Variants in RASAL2 observed in about 807,000 individuals in gnomAD.
RASAL2 encodes ras GTPase-activating protein nGAP.
RASAL2 carries 58 observed loss-of-function variants against 128.9 expected under a neutral mutation model. The ratio of observed to expected loss-of-function variants is 0.45; its 90% CI spans 0.36 to 0.56. RASAL2 has a LOEUF of 0.56. Among genes scored for constraint, RASAL2 ranks in the 20% least tolerant of loss-of-function variants. The pLI, the probability that RASAL2 is intolerant of heterozygous loss-of-function variation, is 0.00. For synonymous variants in RASAL2, 561 were observed against 580.8 expected, an observed-to-expected ratio of 0.97 and a Z score of 0.49; for missense variants, 1,360 against 1,601.6, an observed-to-expected ratio of 0.85 and a Z score of 2.57.
intron 1 of RASAL2, among the ~76,000 whole-genome samples, chr1:178,201,959 T>C (rs1024003803): frequency 1.3e-5 from 2 of 152,138 alleles, no homozygotes; most frequent in African/African-American, 4.8e-5. Flanking sequence ...ACCGACAATT[T>C]ATGTGTAAAT....
At chr1:178,277,719 C>A (rs1666592913) in intron 1 of RASAL2, among the ~76,000 whole-genome samples, 1 of 152,192 alleles carries the variant, frequency 6.6e-6, no homozygotes, top group Non-Finnish European at 1.5e-5. Context: ...GAATATGTTT[C>A]TCTTTTAGTG....
At chr1:178,408,612 G>GTTT (rs756656921) in intron 4 of RASAL2, among the ~76,000 whole-genome samples, 46 of 142,496 alleles carry the variant, frequency 3.2e-4, no homozygotes, top group Middle Eastern at 3.6e-3. Context: ...GTTTTTTTTT[G>GTTT]TTTTTTGTTT....
chr1:178,424,708 C>T (rs1238242337), intron 5 of RASAL2, among the ~76,000 whole-genome samples: 2 of 152,082 alleles, frequency 1.3e-5, no homozygotes, highest in African/African-American at 4.8e-5. Context: ...GTGATTTGCC[C>T]ACCCTGGCCT....
At chr1:178,238,550 A>G (rs1478751649) in intron 1 of RASAL2, among the ~76,000 whole-genome samples, 2 of 151,816 alleles carry the variant, frequency 1.3e-5, no homozygotes, top group Non-Finnish European at 2.9e-5. Flanking sequence ...CTACTTTATT[A>G]TTGTTTTATA....
chr1:178,224,630 T>C lies in RASAL2; in HGVS notation c.203-58934T>C, dbSNP rs959414418. On this transcript the variant is annotated intron_variant, in intron 1 of 17. Transcript: ENST00000367649. Reference sequence around the variant, plus strand: ...TTTTTATGAGTTGATCTAAGAGCTATGTAGTCACTTGTTCTAGTAACAGAA... The same window carrying C: ...TTTTTATGAGTTGATCTAAGAGCTACGTAGTCACTTGTTCTAGTAACAGAA... Among the ~76,000 whole-genome samples the C allele has an allele frequency of 4.6e-5, 7 of 152,322 alleles. No individual in the cohort carries two copies. The South Asian group carries it at 1.4e-3, about 32-fold the overall frequency.
intron 1 of RASAL2, among the ~76,000 whole-genome samples, chr1:178,254,486 G>A (rs1470007846): frequency 1.3e-5 from 2 of 152,096 alleles, no homozygotes; most frequent in Non-Finnish European, 2.9e-5. Flanking sequence ...AAAGCCTTTG[G>A]AAATGGTCAT....
chr1:178,458,114 T>C lies in RASAL2; in HGVS notation c.2822T>C (p.Ile941Thr). Residue 941 changes from isoleucine (I) to threonine (T), a missense_variant, in exon 14 of 18, where the codon ATA (isoleucine) becomes ACA (threonine). This residue lies in a region of RASAL2 where 741 missense variants were observed against 868.6 expected (regional missense o/e 0.85). Coordinates refer to ENST00000367649, the MANE Select transcript of RASAL2 (RefSeq NM_170692.4). The part of the protein sequence containing the change: ...NPIPAMPKAS[I>T]DSSLENLSTA... ...ATTCCAGCAATGCCAAAGGCCTCTA[T>C]AGATTCCAGTTTGGAGAACCTAAGC... 3.1e-6 allele frequency: 5 copies of C among 1,614,248 alleles called. No individual in the cohort carries two copies. The highest frequency in any genetic ancestry group is 4.2e-6 in the Non-Finnish European group (5 of 1,180,048).
intron 5 of RASAL2, among the ~76,000 whole-genome samples, chr1:178,425,043 GT>G (rs1418792571): frequency 2.0e-5 from 3 of 152,140 alleles, no homozygotes; most frequent in African/African-American, 7.2e-5. Context: ...AGTAAAAGAG[GT>G]AAGTGTCAAG....
At chr1:178,438,881 CTG>C (rs3042589) in intron 5 of RASAL2, among the ~76,000 whole-genome samples, 15,003 of 129,110 alleles carry the variant, frequency 0.12, 912 homozygotes, top group African/African-American at 0.18. Flanking sequence ...AGCTTCGACT[CTG>C]TGTGTGTGTG....
chr1:178,195,483 G>C (rs868046341), intron 1 of RASAL2, among the ~76,000 whole-genome samples: 1 of 151,870 alleles, frequency 6.6e-6, no homozygotes, highest in African/African-American at 2.4e-5. Context: ...CTTATTGTGT[G>C]GCTCCCAAAG....
At chr1:178,471,037 C>T (rs1648216025) in intron 17 of RASAL2, among the ~76,000 whole-genome samples, 1 of 152,030 alleles carries the variant, frequency 6.6e-6, no homozygotes, top group African/African-American at 2.4e-5. Context: ...AGTAGGGGGG[C>T]TGTTTGTCTT....
intron 1 of RASAL2, among the ~76,000 whole-genome samples, chr1:178,211,834 A>G (rs1266705793): frequency 6.6e-6 from 1 of 152,210 alleles, no homozygotes; most frequent in Non-Finnish European, 1.5e-5. Context: ...GCACAAACCA[A>G]CCATCGTAAC....
intron 1 of RASAL2, among the ~76,000 whole-genome samples, chr1:178,239,493 T>C (rs1664399381): frequency 6.6e-6 from 1 of 152,098 alleles, no homozygotes; most frequent in Non-Finnish European, 1.5e-5. Context: ...TCACTCACAA[T>C]ATGTGTAAAA....
chr1:178,317,259 TG>T (rs1262819524), intron 3 of RASAL2, among the ~76,000 whole-genome samples: 1 of 140,542 alleles, frequency 7.1e-6, no homozygotes, highest in East Asian at 2.0e-4. Flanking sequence ...TTCTCTTTTT[TG>T]GTTGTGTCTC....
At chr1:178,195,272 A>C (rs1489970942) in intron 1 of RASAL2, among the ~76,000 whole-genome samples, 1 of 152,236 alleles carries the variant, frequency 6.6e-6, no homozygotes, top group Non-Finnish European at 1.5e-5. Flanking sequence ...ATTTGCCAGC[A>C]GTCAATATAG....
chr1:178,202,202 A>G (rs1662896939), intron 1 of RASAL2, among the ~76,000 whole-genome samples: 1 of 152,174 alleles, frequency 6.6e-6, no homozygotes, highest in African/African-American at 2.4e-5. Flanking sequence ...CCATCGTCAA[A>G]TGGAAGTGGT....
chr1:178,412,258 A>G (rs1260678359), intron 4 of RASAL2, among the ~76,000 whole-genome samples: 1 of 152,176 alleles, frequency 6.6e-6, no homozygotes, highest in East Asian at 1.9e-4. Context: ...ACATGAGAGC[A>G]GCAAAGAGAG....
At chr1:178,295,903 T>TGA (rs1667476247) in intron 2 of RASAL2, among the ~76,000 whole-genome samples, 2 of 152,246 alleles carry the variant, frequency 1.3e-5, no homozygotes, top group African/African-American at 4.8e-5. Flanking sequence ...AAGAGCTTTC[T>TGA]GATGCTAGTT....
chr1:178,248,162 A>G (rs1558139939), intron 1 of RASAL2, among the ~76,000 whole-genome samples: 1 of 152,164 alleles, frequency 6.6e-6, no homozygotes, highest in East Asian at 1.9e-4. Flanking sequence ...TAATATTGAC[A>G]GTGGGGTGTT....
Sources: allele counts gnomAD v4.1 joint callset (sites outside exome capture counted in the v4.1 genomes callset), GRCh38; gene constraint gnomAD v4.1.1; regional missense constraint gnomAD v4.1.1; transcripts MANE v1.5; gene names NCBI Gene and HGNC (gene_info 2026-07-23, HGNC 2026-07-21).